The following IMMP1L variants were observed in gnomAD, a reference collection of about 807,000 sequenced individuals.
The protein encoded by IMMP1L is inner mitochondrial membrane peptidase subunit 1.
A neutral mutation model predicts 21.8 loss-of-function variants in IMMP1L; 24 were observed. That is an observed-to-expected ratio of 1.10 (90% CI 0.80 to 1.55). The LOEUF is 1.55. Among genes scored for constraint, IMMP1L ranks in the 40% most tolerant of loss-of-function variants. The pLI, the probability that IMMP1L is intolerant of heterozygous loss-of-function variation, is 0.00. For synonymous variants in IMMP1L, 46 were observed against 62.8 expected (o/e 0.73, Z 1.26); for missense variants, 195 against 200.7 (o/e 0.97, Z 0.17).
rs1245703907 is a variant in IMMP1L at position 31,439,257 on chromosome 11, G to C, written c.322-5687C>G. Among the ~76,000 whole-genome samples the C allele has an allele frequency of 2.6e-5, 4 of 151,750 alleles. No homozygotes were observed. The East Asian group carries it at 5.8e-4, about 22-fold the overall frequency. On this transcript the variant is annotated intron_variant, in intron 4 of 5. Coordinates refer to ENST00000532287, the MANE Select transcript of IMMP1L (RefSeq NM_001304274.2). Reference sequence around the variant, plus strand: ...GCCTTCATGTTAATCTGCTTGACCTGTCCTATGGGTTACTCATTTTTTTTT... The same window carrying C: ...GCCTTCATGTTAATCTGCTTGACCTCTCCTATGGGTTACTCATTTTTTTTT...
intron 1 of IMMP1L, among the ~76,000 whole-genome samples, chr11:31,483,562 T>C (rs1404824427): frequency 6.6e-6 from 1 of 151,976 alleles, no homozygotes; most frequent in Non-Finnish European, 1.5e-5. Flanking sequence ...TTCAGAGATA[T>C]CCAGTCTTCG....
At chr11:31,443,713 T>C (rs1303430792) in intron 4 of IMMP1L, among the ~76,000 whole-genome samples, 3 of 152,202 alleles carry the variant, frequency 2.0e-5, no homozygotes, top group Non-Finnish European at 2.9e-5. Context: ...TTCTCCCTTT[T>C]AAAATTCAGC....
At chr11:31,452,228 T>A (rs1014102058) in intron 4 of IMMP1L, 1 of 984,900 alleles carries the variant, frequency 1.0e-6, no homozygotes, top group African/African-American at 1.7e-5. Context: ...TGTTTGTTGA[T>A]AGGAATTTAC....
Position 31,432,547 on chromosome 11 carries a change from C to A in IMMP1L, c.454G>T (p.Gly152Ter), listed in dbSNP as rs772546006. 1 of 1,612,558 alleles carries A rather than the reference C, an allele frequency of 6.2e-7. No individual in the cohort carries two copies. The highest frequency in any genetic ancestry group is 8.5e-7 in the Non-Finnish European group (1 of 1,178,922). Reference protein sequence around the residue: ...FFKIWPLSDFGFLRASPNGHR... With the variant: ...FFKIWPLSDF ...CCATTAGGGCTGGCACGTAAAAATC[C>A]AAAATCACTCAGAGGCCAAATCTGT... is the stretch of plus-strand genomic sequence containing the variant. The change falls in exon 6 of 6, where the codon GGA becomes TGA. Residue 152 changes from glycine to a stop codon, truncating the protein, a stop_gained. Transcript: ENST00000532287. LOFTEE classifies it high-confidence loss of function.
At chr11:31,495,119 A>G (rs1431691205) in intron 1 of IMMP1L, among the ~76,000 whole-genome samples, 1 of 152,222 alleles carries the variant, frequency 6.6e-6, no homozygotes, top group East Asian at 1.9e-4. Flanking sequence ...CCTTTGCTCC[A>G]GTTCCTAGTA....
rs535330612 is a variant in IMMP1L, at chr11:31,447,631, G to C, written c.321+8629C>G. Reference sequence around the variant, plus strand: ...GTTTAGTTGGATACAAGCACTAGCTGTGCCATGCTAAGTGATTTATACATT... The same window carrying C: ...GTTTAGTTGGATACAAGCACTAGCTCTGCCATGCTAAGTGATTTATACATT... On this transcript the variant is annotated intron_variant, in intron 4 of 5. Coordinates refer to ENST00000532287, the MANE Select transcript of IMMP1L (RefSeq NM_001304274.2). Among the ~76,000 whole-genome samples the C allele has an allele frequency of 3.9e-5, 6 of 152,292 alleles. No individual in the cohort carries two copies. In the East Asian group the frequency reaches 1.2e-3, roughly 29 times the overall value.
chr11:31,433,011 A>G (rs1476168531), intron 5 of IMMP1L, among the ~76,000 whole-genome samples: 1 of 152,196 alleles, frequency 6.6e-6, no homozygotes, highest in Non-Finnish European at 1.5e-5. Flanking sequence ...TTGTGATAAA[A>G]AGGAGGGGCC....
At position 31,448,947 on chromosome 11, in the gene IMMP1L, C is replaced by T. The variant is rs375292627; in HGVS notation, c.321+7313G>A. ...TAGAATGAAAAAGTCACGTCACCTC[C>T]GCAGTGAACTTCACTTTAGCAAAAG... On this transcript the variant is annotated intron_variant, in intron 4 of 5. Transcript: ENST00000532287. The T allele has an allele frequency of 3.5e-5, 34 of 985,226 alleles. No individual in the cohort carries two copies. The East Asian group carries it at 1.5e-3, about 43-fold the overall frequency. The allele number at this position is 985,226 out of a possible 1,614,324, so 61.0% of individuals were successfully genotyped here.
chr11:31,485,335 T>C (rs1464469199), intron 1 of IMMP1L, among the ~76,000 whole-genome samples: 2 of 151,878 alleles, frequency 1.3e-5, no homozygotes, highest in African/African-American at 2.4e-5. Context: ...TTTGAAGTCA[T>C]ACTTAAGTAA....
chr11:31,456,870 T>C (rs1182701618), intron 3 of IMMP1L, among the ~76,000 whole-genome samples: 1 of 76,492 alleles, frequency 1.3e-5, no homozygotes, highest in Non-Finnish European at 2.2e-5. Context: ...ACTGAGACCA[T>C]GTCTCCAAAA....
At chr11:31,476,858 G>A (rs992386017) in intron 1 of IMMP1L, among the ~76,000 whole-genome samples, 5 of 152,014 alleles carry the variant, frequency 3.3e-5, no homozygotes, top group African/African-American at 1.2e-4. Flanking sequence ...TCCAGCCAAA[G>A]TACTTGATAA....
intron 1 of IMMP1L, among the ~76,000 whole-genome samples, chr11:31,466,080 A>G (rs1477050397): frequency 6.6e-6 from 1 of 152,068 alleles, no homozygotes; most frequent in Non-Finnish European, 1.5e-5. Context: ...CAAATAACCC[A>G]ATTAAAAAGT....
intron 4 of IMMP1L, among the ~76,000 whole-genome samples, chr11:31,435,839 T>C (rs75864223): frequency 0.02 from 2,990 of 152,302 alleles, 87 homozygotes; most frequent in African/African-American, 0.067. Flanking sequence ...TTTGAGTCTT[T>C]CTTAGAAAGG....
intron 4 of IMMP1L, chr11:31,452,735 C>T: frequency 9.8e-7 from 1 of 1,017,874 alleles, no homozygotes; most frequent in Non-Finnish European, 1.2e-6. Context: ...ATAAGGAAAG[C>T]AAACAGCATC....
Position 31,460,649 on chromosome 11 carries a change from A to C in IMMP1L, c.171T>G (p.Ser57Arg). 1 of 1,608,708 alleles carries C rather than the reference A, an allele frequency of 6.2e-7. No individual in the cohort carries two copies. ...ACCTTTGGATACCATAAAAATGTCG[A>C]CTAAGATTTTCTGCAAAGACAATAT... ...NSDIVFAENL[S>R]RHFYGIQRGD... The change falls in exon 3 of 6, where the codon AGT (serine) becomes AGG (arginine). Residue 57 changes from serine to arginine, a missense_variant. Physicochemically the swap from Ser to Arg is moderately radical, Grantham distance 110. Coordinates refer to ENST00000532287, the MANE Select transcript of IMMP1L (RefSeq NM_001304274.2).
chr11:31,455,580 T>A (rs1464792474), intron 4 of IMMP1L, among the ~76,000 whole-genome samples: 1 of 152,202 alleles, frequency 6.6e-6, no homozygotes, highest in East Asian at 1.9e-4. Context: ...ATGTTATTAT[T>A]TTGTCAGACT....
chr11:31,502,211 T>G (rs1955644118), intron 1 of IMMP1L, among the ~76,000 whole-genome samples: 1 of 152,148 alleles, frequency 6.6e-6, no homozygotes, highest in Non-Finnish European at 1.5e-5. Context: ...CTATCACATT[T>G]GAAAGTAATA....
At chr11:31,507,551 A>C (rs903329414) in intron 1 of IMMP1L, among the ~76,000 whole-genome samples, 8 of 152,228 alleles carry the variant, frequency 5.3e-5, no homozygotes, top group African/African-American at 1.9e-4. Flanking sequence ...CATTATGTTA[A>C]GTGAAATAAG....
intron 1 of IMMP1L, among the ~76,000 whole-genome samples, chr11:31,468,631 G>A (rs1234981965): frequency 6.6e-6 from 1 of 152,042 alleles, no homozygotes; most frequent in Non-Finnish European, 1.5e-5. Flanking sequence ...ACTGTGTTCA[G>A]CCCTGGGAAT....
Sources: gnomAD v4.1 joint callset for allele counts (sites outside exome capture counted in the v4.1 genomes callset) on GRCh38, gnomAD v4.1.1 for gene constraint, MANE v1.5 for transcripts, NCBI Gene and HGNC (gene_info 2026-07-23, HGNC 2026-07-21) for gene names.